Variants in CPLX1 observed in about 807,000 individuals in gnomAD.
The protein encoded by CPLX1 is complexin-1.
Under a neutral mutation model 15.6 loss-of-function variants are expected in CPLX1, and 6 were observed. The ratio of observed to expected loss-of-function variants is 0.39; its 90% CI spans 0.21 to 0.76. The LOEUF is 0.76. CPLX1 is among the 30% of genes least tolerant of loss of function. CPLX1 has a pLI of 0.43. For synonymous variants in CPLX1, 91 were observed against 75.2 expected (o/e 1.21, Z -1.08); for missense variants, 242 against 188.6 (o/e 1.28, Z -1.66).
At chr4:788,465 G>A in intron 3 of CPLX1, 1 of 985,452 alleles carries the variant, frequency 1.0e-6, no homozygotes, top group Non-Finnish European at 1.2e-6. Flanking sequence ...GTCCTCAGCA[G>A]CCCCTGCGCA....
chr4:808,896 T>C (rs1388510850), intron 2 of CPLX1, among the ~76,000 whole-genome samples: 3 of 152,258 alleles, frequency 2.0e-5, no homozygotes, highest in African/African-American at 7.2e-5. Context: ...ATATTTAGAA[T>C]GTTCTTGGAA....
chr4:791,950 CGGACCTGGCCGCTGAGG>C (rs1339208197), intron 3 of CPLX1, among the ~76,000 whole-genome samples: 1 of 152,224 alleles, frequency 6.6e-6, no homozygotes, highest in Non-Finnish European at 1.5e-5. Flanking sequence ...TCGTGCCCCT[CGGACCTGGCCGCTGAGG>C]GGACCGGGCT....
intron 2 of CPLX1, among the ~76,000 whole-genome samples, chr4:795,509 G>A (rs1386642544): frequency 6.6e-6 from 1 of 152,226 alleles, no homozygotes; most frequent in Non-Finnish European, 1.5e-5. Flanking sequence ...CCCCGACTCT[G>A]ATTGCAGGGG....
In CPLX1 at chr4:825,316, G is replaced by C. The variant is rs1465842636; in HGVS notation, c.-79-715C>G. ...CCGGTTTTGCGGGGTCTCTCCTATC[G>C]GGGAACCCCAGGTCCCTGGAGAGAC... On this transcript the variant is annotated intron_variant, in intron 1 of 3. Transcript: ENST00000304062. 4.6e-5 allele frequency among the ~76,000 whole-genome samples: 7 copies of C among 152,256 alleles called. No individual in the cohort carries two copies. In the East Asian group the frequency reaches 1.4e-3, roughly 30 times the overall value.
At chr4:823,367 C>T (rs1746908066) in intron 2 of CPLX1, among the ~76,000 whole-genome samples, 1 of 152,206 alleles carries the variant, frequency 6.6e-6, no homozygotes, top group Non-Finnish European at 1.5e-5. Context: ...GGGAGACAGC[C>T]AGGCAGGCAG....
In CPLX1 at chr4:786,598, G is replaced by T; in HGVS notation, c.308C>A (p.Pro103Gln). The T allele has an allele frequency of 6.2e-7, 1 of 1,612,252 alleles. No individual in the cohort carries two copies. The highest frequency in any genetic ancestry group is 1.1e-5 in the South Asian group (1 of 90,860). The change falls in exon 4 of 4, where the codon CCG becomes CAG. Residue 103 changes from proline (P) to glutamine (Q), a missense_variant. Pro to Gln is a moderately conservative substitution (Grantham distance 76). Transcript: ENST00000304062. ...CTCCTCCACCTCGTCCCCGCAGCCC[G>T]GCGGGATGGCCTTCTTGGGCCGCGT... The part of the protein sequence containing the change: ...SLTRPKKAIP[P>Q]GCGDEVEEED...
At chr4:805,166 G>T (rs1746534249) in intron 2 of CPLX1, among the ~76,000 whole-genome samples, 2 of 152,260 alleles carry the variant, frequency 1.3e-5, no homozygotes, top group South Asian at 4.1e-4. Flanking sequence ...GGGCGCTGCA[G>T]CCGGAGAGCC....
At chr4:788,390 C>T (rs1746065241) in intron 3 of CPLX1, 3 of 985,316 alleles carry the variant, frequency 3.0e-6, no homozygotes, top group African/African-American at 1.7e-5. Flanking sequence ...GCGCCACGTT[C>T]CCAGCCGCCT....
At chr4:819,451 T>C (rs981512248) in intron 2 of CPLX1, among the ~76,000 whole-genome samples, 3 of 152,256 alleles carry the variant, frequency 2.0e-5, no homozygotes, top group Non-Finnish European at 4.4e-5. Context: ...AGTGAGTGCT[T>C]TCTCGACCAC....
intron 2 of CPLX1, among the ~76,000 whole-genome samples, chr4:800,589 T>C (rs1261115370): frequency 7.0e-6 from 1 of 141,990 alleles, no homozygotes; most frequent in Non-Finnish European, 1.5e-5. Flanking sequence ...TATATATATG[T>C]ATATATATAT....
At chr4:821,052 C>T (rs937191771) in intron 2 of CPLX1, among the ~76,000 whole-genome samples, 1 of 152,180 alleles carries the variant, frequency 6.6e-6, no homozygotes, top group Admixed American at 6.5e-5. Flanking sequence ...GTGTTCTCCC[C>T]AGATGTTCAC....
chr4:806,081 T>A (rs913548128), intron 2 of CPLX1, among the ~76,000 whole-genome samples: 1 of 151,940 alleles, frequency 6.6e-6, no homozygotes, highest in African/African-American at 2.4e-5. Flanking sequence ...GCACTTAACA[T>A]AATTTAAATG....
intron 2 of CPLX1, among the ~76,000 whole-genome samples, chr4:818,750 C>T (rs1395710020): frequency 6.6e-6 from 1 of 152,264 alleles, no homozygotes; most frequent in African/African-American, 2.4e-5. Flanking sequence ...GGCACGTCCA[C>T]CTCGCCTGTC....
chr4:787,752 C>A (rs1404008786), intron 3 of CPLX1: 1 of 985,182 alleles, frequency 1.0e-6, no homozygotes, highest in Non-Finnish European at 1.2e-6. Flanking sequence ...GTTTCTAGAT[C>A]AATACGCCTC....
At chr4:817,975 C>T (rs949028977) in intron 2 of CPLX1, among the ~76,000 whole-genome samples, 1 of 152,248 alleles carries the variant, frequency 6.6e-6, no homozygotes, top group Non-Finnish European at 1.5e-5. Flanking sequence ...GAGGCGCCAC[C>T]GCCCTCGGGG....
rs533432473 is a variant in CPLX1 at position 793,838 on chromosome 4, A to G, written c.32-1230T>C. 1.6e-3 allele frequency among the ~76,000 whole-genome samples: 249 copies of G among 152,172 alleles called. 1 individual carries two copies. The highest frequency in any genetic ancestry group is 5.6e-3 in the African/African-American group (234 of 41,510). ...CTGCCCCCTGGATGCCAGACCTCCT[A>G]AGGACTGCCCCCGACCAGCTGAGCC... On this transcript the variant is annotated intron_variant, in intron 2 of 3. Coordinates refer to ENST00000304062, the MANE Select transcript of CPLX1 (RefSeq NM_006651.4).
intron 3 of CPLX1, among the ~76,000 whole-genome samples, chr4:789,242 C>G (rs1414792148): frequency 6.6e-6 from 1 of 152,122 alleles, no homozygotes; most frequent in Non-Finnish European, 1.5e-5. Flanking sequence ...GAGACAAACG[C>G]CCAGGCACAC....
intron 3 of CPLX1, among the ~76,000 whole-genome samples, chr4:789,390 G>A (rs774466722): frequency 3.9e-5 from 6 of 152,172 alleles, no homozygotes; most frequent in Non-Finnish European, 8.8e-5. Flanking sequence ...CACGGTATTC[G>A]TGAGAAAAAA....
At position 786,015 on chromosome 4, in the gene CPLX1, G is replaced by C. The variant is rs1265303914; in HGVS notation, c.*486C>G. 2.1e-5 allele frequency: 2 copies of C among 94,374 alleles called. No homozygotes were observed. The highest frequency in any genetic ancestry group is 2.9e-5 in the Non-Finnish European group (1 of 34,594). 5.8% of individuals were successfully genotyped at this position (94,374 alleles called of 1,614,324 possible). On this transcript the variant is annotated 3_prime_UTR_variant, in exon 4 of 4. Coordinates refer to ENST00000304062, the MANE Select transcript of CPLX1 (RefSeq NM_006651.4). Reference sequence around the variant, plus strand: ...CCAGGCCGGGGGGCGGAGAGCGGCCGCGTGCGGACGCAAATACTCACGGCG... The same window carrying C: ...CCAGGCCGGGGGGCGGAGAGCGGCCCCGTGCGGACGCAAATACTCACGGCG...
Sources: allele counts gnomAD v4.1 joint callset (sites outside exome capture counted in the v4.1 genomes callset), GRCh38; gene constraint gnomAD v4.1.1; transcripts MANE v1.5; gene names NCBI Gene and HGNC (gene_info 2026-07-23, HGNC 2026-07-21).